ADGRB1: variants seen among roughly 807,000 people sequenced by gnomAD.
The protein encoded by ADGRB1 is adhesion G protein-coupled receptor B1.
A neutral mutation model predicts 175.7 loss-of-function variants in ADGRB1; 36 were observed. That is an observed-to-expected ratio of 0.20 (90% CI 0.16 to 0.27). The LOEUF is 0.27. Ranked by LOEUF, ADGRB1 falls within the 10% of genes least tolerant of loss-of-function variation. The probability of loss-of-function intolerance (pLI) is 1.00; values close to 1 mark genes in which losing one functional copy is unlikely to be tolerated. For missense variants in ADGRB1, 1,731 were observed against 2,255.3 expected (o/e 0.77, Z 4.71); for synonymous variants, 1,054 against 979.4 (o/e 1.08, Z -1.42).
At chr8:142,507,427 C>T (rs549267332) in intron 17 of ADGRB1, among the ~76,000 whole-genome samples, 1 of 152,350 alleles carries the variant, frequency 6.6e-6, no homozygotes, top group South Asian at 2.1e-4. Context: ...GAGCTGCCAG[C>T]CTGACCAGCT....
In ADGRB1 at chr8:142,542,417, T is replaced by G. The variant is rs987720778; in HGVS notation, c.4183T>G (p.Ser1395Ala). 3.2e-6 allele frequency: 3 copies of G among 941,574 alleles called. No individual in the cohort carries two copies. The highest frequency in any genetic ancestry group is 3.4e-5 in the Admixed American group (1 of 29,700). 58.3% of individuals were successfully genotyped at this position (941,574 alleles called of 1,614,324 possible). A position where few individuals can be genotyped will look rare whatever the true frequency, so the allele number is the denominator to read the frequency against. Residue 1395 changes from serine to alanine, a missense_variant, in exon 28 of 31, where the codon TCC becomes GCC. Ser to Ala is a moderately conservative substitution (Grantham distance 99, BLOSUM62 1). Transcript: ENST00000517894. This position sits in a 1 kb window ranked among gnomAD's most constrained non-coding sequence, Gnocchi z 6.3. ...EASLPARSPP[S>A]RQPPSGGPPE... ...CAGCCTCCCCGCCCGCAGCCCGCCCTCCCGCCAGCCCCCCAGCGGCGGGCC... is the reference window on the plus strand; with the variant it reads ...CAGCCTCCCCGCCCGCAGCCCGCCCGCCCGCCAGCCCCCCAGCGGCGGGCC...
intron 24 of ADGRB1, among the ~76,000 whole-genome samples, chr8:142,527,226 G>A (rs1459419835): frequency 6.6e-6 from 1 of 152,236 alleles, no homozygotes; most frequent in Non-Finnish European, 1.5e-5. Context: ...CCTGGGCACA[G>A]AGGGGAAGCT....
At chr8:142,458,185 G>C (rs111888973) in intron 1 of ADGRB1, among the ~76,000 whole-genome samples, 1 of 152,210 alleles carries the variant, frequency 6.6e-6, no homozygotes, top group African/African-American at 2.4e-5. Flanking sequence ...ACTGGACCCA[G>C]AGCGGGCATG....
At position 142,542,479 on chromosome 8, in the gene ADGRB1, G is replaced by A. The variant is rs1431374873; in HGVS notation, c.4245G>A (p.Pro1415=). The change falls in exon 28 of 31, where the codon CCG becomes CCA. Residue 1415 remains proline (P), a synonymous_variant. Coordinates refer to ENST00000517894, the MANE Select transcript of ADGRB1 (RefSeq NM_001702.3). This position sits in a 1 kb window ranked among gnomAD's most constrained non-coding sequence, Gnocchi z 6.3. ...EAPPAQPPPP[P]PPPPPPPQQP... ...CCCCTGCCCAGCCCCCACCGCCTCC[G>A]CCCCCACCGCCACCACCTCCCCAGC... The A allele has an allele frequency of 9.1e-5, 57 of 629,072 alleles. No individual in the cohort carries two copies. In the East Asian group the frequency reaches 2.3e-3, roughly 25 times the overall value. 39.0% of individuals were successfully genotyped at this position (629,072 alleles called of 1,614,324 possible).
intron 25 of ADGRB1, among the ~76,000 whole-genome samples, chr8:142,534,054 A>G (rs1293480297): frequency 6.6e-6 from 1 of 152,196 alleles, no homozygotes; most frequent in Non-Finnish European, 1.5e-5. Context: ...GTCCCCCTGG[A>G]GAGACGGCAG....
intron 24 of ADGRB1, among the ~76,000 whole-genome samples, chr8:142,528,476 C>T (rs1029709975): frequency 1.3e-5 from 2 of 152,196 alleles, no homozygotes; most frequent in Non-Finnish European, 2.9e-5. Context: ...ACTTTGGCCC[C>T]GCCCCTCCTG....
At chr8:142,526,999 G>A (rs1844244306) in intron 24 of ADGRB1, among the ~76,000 whole-genome samples, 1 of 151,830 alleles carries the variant, frequency 6.6e-6, no homozygotes, top group Non-Finnish European at 1.5e-5. Context: ...TTGCTCCATG[G>A]CCAGGGGGAG....
chr8:142,517,385 C>T (rs1042762339), intron 18 of ADGRB1, among the ~76,000 whole-genome samples: 1 of 152,232 alleles, frequency 6.6e-6, no homozygotes, highest in African/African-American at 2.4e-5. Context: ...CCCACACTCT[C>T]CTGCCTCTGA....
rs754990402 is a variant in ADGRB1 at position 142,484,667 on chromosome 8, C to A, written c.2211C>A (p.Asn737Lys). The change falls in exon 13 of 31, where the codon AAC becomes AAA. Residue 737 changes from asparagine to lysine, a missense_variant. Around this residue, in one of 8 missense-constraint regions of ADGRB1, gnomAD observed 388 missense variants for 630.9 expected, o/e 0.61. Transcript: ENST00000517894. ...KWEEAQLAGP[N>K]AKELFRLVED... ...CCCCTGCCCTCCAGGCGGGCCCCAA[C>A]GCCAAGGAGCTGTTCCGGCTGGTGG... is the stretch of plus-strand genomic sequence containing the variant. 4 of 1,609,956 alleles carry A rather than the reference C, an allele frequency of 2.5e-6. No individual in the cohort carries two copies. Among genetic ancestry groups the A allele is most frequent in the Admixed American group, 1.7e-5 (1 of 59,708 alleles).
chr8:142,513,276 C>A (rs1218154406), intron 18 of ADGRB1, among the ~76,000 whole-genome samples: 1 of 152,158 alleles, frequency 6.6e-6, no homozygotes, highest in Non-Finnish European at 1.5e-5. Flanking sequence ...CAAGGGCAGA[C>A]CATGTGTGGC....
intron 17 of ADGRB1, among the ~76,000 whole-genome samples, chr8:142,500,520 G>A (rs1172063022): frequency 6.6e-6 from 1 of 151,454 alleles, no homozygotes; most frequent in East Asian, 2.0e-4. Flanking sequence ...CAGGCCACGG[G>A]GATGGGCCTG....
In ADGRB1 at chr8:142,464,118, G is replaced by A. The variant is rs1264112285; in HGVS notation, c.-81G>A. The A allele has an allele frequency of 3.7e-6, 2 of 546,000 alleles. No individual in the cohort carries two copies. Among genetic ancestry groups the A allele is most frequent in the African/African-American group, 2.2e-5 (1 of 46,400 alleles). The allele number at this position is 546,000 out of a possible 1,614,324, so 33.8% of individuals were successfully genotyped here. ...TGCCCCCACCGGGCCGGCCCTGCCC[G>A]CCGCCGGACCCTGGCATGTCAAGAC... is the stretch of plus-strand genomic sequence containing the variant. On this transcript the variant is annotated 5_prime_UTR_variant, in exon 2 of 31. Transcript: ENST00000517894.
chr8:142,523,612 TG>T (rs569015279), intron 22 of ADGRB1, among the ~76,000 whole-genome samples: 229 of 151,732 alleles, frequency 1.5e-3, no homozygotes, highest in Non-Finnish European at 2.5e-3. Context: ...CAGGAGGGGA[TG>T]GGGACATTGA....
chr8:142,520,491 T>TA (rs1843765155), intron 19 of ADGRB1, among the ~76,000 whole-genome samples: 1 of 5,378 alleles, frequency 1.9e-4, no homozygotes, highest in Non-Finnish European at 1.4e-3. Flanking sequence ...GTGATAATGG[T>TA]GATGGTGATG....
chr8:142,521,483 T>A (rs1486180517), intron 20 of ADGRB1, among the ~76,000 whole-genome samples: 1 of 152,138 alleles, frequency 6.6e-6, no homozygotes, highest in Non-Finnish European at 1.5e-5. Context: ...ACGCTGACAA[T>A]CTAGGAGAGA....
rs748229272 is a variant in ADGRB1, at chr8:142,520,934, C to T, written c.3024+9C>T. 6.2e-6 allele frequency: 10 copies of T among 1,607,404 alleles called. No homozygotes were observed. The highest frequency in any genetic ancestry group is 1.3e-5 in the African/African-American group (1 of 74,868). ...CCCAGACCCGCAACAAGGTAGGCAG[C>T]CTTGCGTCCTGCCATGCACTTCCCA... is the stretch of plus-strand genomic sequence containing the variant. On this transcript the variant is annotated intron_variant, in intron 20 of 30. Coordinates refer to ENST00000517894, the MANE Select transcript of ADGRB1 (RefSeq NM_001702.3).
chr8:142,524,356 C>T, intron 23 of ADGRB1, 52 bp downstream of exon 23: 3 of 1,523,962 alleles, frequency 2.0e-6, no homozygotes, highest in Non-Finnish European at 2.6e-6. Flanking sequence ...GGCCCCCCAC[C>T]TGCCTCCTGG....
At chr8:142,496,953 C>G (rs1347735041) in intron 17 of ADGRB1, among the ~76,000 whole-genome samples, 4 of 152,226 alleles carry the variant, frequency 2.6e-5, no homozygotes, top group African/African-American at 4.8e-5. Flanking sequence ...AACCCTTATT[C>G]TGCCAGACAT....
At chr8:142,479,604 A>G in intron 8 of ADGRB1, 89 bp from the exon 9 acceptor site, 4 of 1,548,758 alleles carry the variant, frequency 2.6e-6, no homozygotes, top group Non-Finnish European at 3.5e-6. Context: ...CCTCATAATG[A>G]TGCCTGCTCC....
Sources: allele counts gnomAD v4.1 joint callset (sites outside exome capture counted in the v4.1 genomes callset), GRCh38; gene constraint gnomAD v4.1.1; regional missense constraint gnomAD v4.1.1; non-coding constraint Gnocchi (gnomAD v3.1); transcripts MANE v1.5; gene names NCBI Gene and HGNC (gene_info 2026-07-23, HGNC 2026-07-21).